PIK3C2G: variants seen among roughly 807,000 people sequenced by gnomAD.
The protein encoded by PIK3C2G is phosphatidylinositol 3-kinase C2 domain-containing subunit gamma.
In PIK3C2G, 168 loss-of-function variants were observed where a neutral mutation model predicts 181.1. The observed-to-expected ratio is 0.93, with a 90% CI of 0.82 to 1.05. PIK3C2G has a LOEUF of 1.05. Among genes scored for constraint, PIK3C2G ranks in the 50% least tolerant of loss-of-function variants. The pLI is 0.00. For synonymous variants in PIK3C2G, 573 were observed against 592.2 expected, an observed-to-expected ratio of 0.97 and a Z score of 0.47; for missense variants, 1,869 against 1,732.8, an observed-to-expected ratio of 1.08 and a Z score of -1.40.
chr12:18,300,529 T>C (rs891821665), intron 5 of PIK3C2G, among the ~76,000 whole-genome samples: 6 of 152,116 alleles, frequency 3.9e-5, no homozygotes, highest in African/African-American at 7.2e-5. Flanking sequence ...ACATTTCTTG[T>C]AGACAGCATA....
chr12:18,643,272 A>G (rs890938520), intron 32 of PIK3C2G, among the ~76,000 whole-genome samples: 5 of 152,084 alleles, frequency 3.3e-5, no homozygotes, highest in Admixed American at 2.0e-4. Context: ...CTCACTACAA[A>G]TCTTTCTCAA....
chr12:18,511,650 T>A (rs1464595503), intron 24 of PIK3C2G, among the ~76,000 whole-genome samples: 2 of 151,594 alleles, frequency 1.3e-5, no homozygotes, highest in East Asian at 3.8e-4. Flanking sequence ...TCTTTGCTTA[T>A]TTTTTTAATG....
downstream of PIK3C2G, among the ~76,000 whole-genome samples, chr12:18,650,698 GTGTGTGTATATATCTATATATA>G (rs1950435629): frequency 5.9e-3 from 172 of 29,080 alleles, 5 homozygotes; most frequent in Middle Eastern, 0.025. Flanking sequence ...GTGTGTGTGT[GTGTGTGTATATATCTATATATA>G]TATATATATA....
At chr12:18,562,479 T>A (rs1945402918) in intron 26 of PIK3C2G, among the ~76,000 whole-genome samples, 1 of 152,130 alleles carries the variant, frequency 6.6e-6, no homozygotes, top group South Asian at 2.1e-4. Flanking sequence ...GCAACTACAG[T>A]TTTATATTTC....
At chr12:18,581,859 G>A (rs953087154) in intron 29 of PIK3C2G, among the ~76,000 whole-genome samples, 1 of 152,148 alleles carries the variant, frequency 6.6e-6, no homozygotes, top group Non-Finnish European at 1.5e-5. Context: ...GGACTAGACT[G>A]TGCAGAACCC....
upstream of PIK3C2G, among the ~76,000 whole-genome samples, chr12:18,260,719 G>A (rs979633395): frequency 2.0e-5 from 3 of 151,966 alleles, no homozygotes; most frequent in Non-Finnish European, 2.9e-5. Flanking sequence ...AGGATCCTAC[G>A]ACATATTTTG....
chr12:18,653,462 G>T, the PIK3C2G span, among the ~76,000 whole-genome samples: 1 of 152,104 alleles, frequency 6.6e-6, no homozygotes, highest in South Asian at 2.1e-4. Context: ...CCTGATATTT[G>T]AACAGTGACT....
intron 15 of PIK3C2G, among the ~76,000 whole-genome samples, chr12:18,397,444 A>T (rs1417565289): frequency 6.6e-6 from 1 of 152,056 alleles, no homozygotes; most frequent in Non-Finnish European, 1.5e-5. Context: ...GAAATCATGC[A>T]AATGAATCTA....
At chr12:18,397,781 G>T (rs538365021) in intron 15 of PIK3C2G, among the ~76,000 whole-genome samples, 6 of 152,084 alleles carry the variant, frequency 3.9e-5, no homozygotes, top group Admixed American at 3.3e-4. Context: ...TTTCCTAGGA[G>T]AAATGAAAAA....
In PIK3C2G at chr12:18,421,001, T is replaced by C. The variant is rs1592216605; in HGVS notation, c.2376T>C (p.Asp792=). ...AACAATTAGACAACCTCTTGAATGATGAACTACTGGAATATCTCCCACAGC... is the reference window on the plus strand; with the variant it reads ...AACAATTAGACAACCTCTTGAATGACGAACTACTGGAATATCTCCCACAGC... ...AVQQLDNLLN[D]ELLEYLPQLV... The change falls in exon 17 of 33, where the codon GAT becomes GAC. Residue 792 remains aspartate, a synonymous_variant. Transcript: ENST00000538779. The C allele has an allele frequency of 6.2e-7, 1 of 1,604,784 alleles. No homozygotes were observed. Among genetic ancestry groups the C allele is most frequent in the African/African-American group, 1.3e-5 (1 of 74,802 alleles).
chr12:18,723,590 C>T, the PIK3C2G span: 1 of 1,379,300 alleles, frequency 7.3e-7, no homozygotes, highest in Admixed American at 1.7e-5. Context: ...ATAAAAAATA[C>T]ATAAAATGAA....
the PIK3C2G span, chr12:18,693,777 T>C: frequency 4.6e-6 from 7 of 1,514,280 alleles, no homozygotes; most frequent in Non-Finnish European, 5.5e-6. Flanking sequence ...ACAAACCAAA[T>C]AGAAACTTTG....
chr12:18,623,548 G>A (rs1415378691), intron 31 of PIK3C2G, among the ~76,000 whole-genome samples: 1 of 151,524 alleles, frequency 6.6e-6, no homozygotes, highest in Admixed American at 6.6e-5. Context: ...TGAATTTTAG[G>A]ATTCCTTTTT....
At chr12:18,415,332 T>A (rs1263637459) in intron 16 of PIK3C2G, among the ~76,000 whole-genome samples, 1 of 152,226 alleles carries the variant, frequency 6.6e-6, no homozygotes, top group African/African-American at 2.4e-5. Flanking sequence ...TATGGTGATC[T>A]GTGATCAGCG....
chr12:18,475,373 A>AACACACACAC lies in PIK3C2G; in HGVS notation c.2505-13049_2505-13040dup, dbSNP rs57853875. On this transcript the variant is annotated intron_variant, in intron 18 of 32. Coordinates refer to ENST00000538779, the MANE Select transcript of PIK3C2G (RefSeq NM_001288772.2). Reference sequence around the variant, plus strand: ...CTCTCTCAATCTCACCCACCACCCCAACACACACACACACACACACACACA... The same window carrying AACACACACAC: ...CTCTCTCAATCTCACCCACCACCCCAACACACACACACACACACACACACACACACACACA... 7.0e-3 allele frequency among the ~76,000 whole-genome samples: 980 copies of AACACACACAC among 139,910 alleles called. 7 individuals carry two copies. Among genetic ancestry groups the AACACACACAC allele is most frequent in the Middle Eastern group, 0.011 (3 of 268 alleles). 91.8% of individuals were successfully genotyped at this position (139,910 alleles called of 152,430 possible). A position where few individuals can be genotyped will look rare whatever the true frequency, so the allele number is the denominator to read the frequency against.
intron 29 of PIK3C2G, among the ~76,000 whole-genome samples, chr12:18,585,043 G>A (rs2136443317): frequency 6.6e-6 from 1 of 152,154 alleles, no homozygotes; most frequent in South Asian, 2.1e-4. Flanking sequence ...CGTGAAAGGA[G>A]CACTAAATAT....
rs527310516 is a variant in PIK3C2G, at chr12:18,401,235, T to A, written c.2315+1388T>A. On this transcript the variant is annotated intron_variant, in intron 16 of 32. Transcript: ENST00000538779. ...TTTACAGTAGTTTAACTTTAAATTA[T>A]AAGCAATTTGAGGATATTATCATTA... is the stretch of plus-strand genomic sequence containing the variant. Among the ~76,000 whole-genome samples the A allele has an allele frequency of 2.0e-5, 3 of 152,278 alleles. 1 individual carries two copies. Among genetic ancestry groups the A allele is most frequent in the South Asian group, 2.1e-4 (1 of 4,828 alleles).
intron 18 of PIK3C2G, among the ~76,000 whole-genome samples, chr12:18,451,406 C>T (rs893471465): frequency 6.6e-6 from 1 of 152,068 alleles, no homozygotes; most frequent in African/African-American, 2.4e-5. Flanking sequence ...GGAGTGCTTG[C>T]GATTTTTGCA....
At chr12:18,594,382 T>A in intron 29 of PIK3C2G, 112 bp from the exon 30 acceptor site, 1 of 604,522 alleles carries the variant, frequency 1.7e-6, no homozygotes, top group Non-Finnish European at 2.8e-6. Context: ...ATTTGTAGAA[T>A]CTATAACAGG....
Sources: gnomAD v4.1 joint callset for allele counts (sites outside exome capture counted in the v4.1 genomes callset) on GRCh38, gnomAD v4.1.1 for gene constraint, MANE v1.5 for transcripts, NCBI Gene and HGNC (gene_info 2026-07-23, HGNC 2026-07-21) for gene names.